The following PKNOX2 variants were observed in gnomAD, a reference collection of about 807,000 sequenced individuals.
PKNOX2 encodes the protein homeobox protein PKNOX2.
A neutral mutation model predicts 53.1 loss-of-function variants in PKNOX2; 14 were observed. The observed-to-expected ratio is 0.26, with a 90% CI of 0.17 to 0.41. The LOEUF (loss-of-function observed/expected upper bound fraction) is 0.41. Ranked by LOEUF, PKNOX2 falls within the 10% of genes least tolerant of loss-of-function variation. The pLI is 1.00. For missense variants in PKNOX2, 496 were observed against 602.8 expected (o/e 0.82, Z 1.85); for synonymous variants, 257 against 242.8 (o/e 1.06, Z -0.54).
intron 5 of PKNOX2, among the ~76,000 whole-genome samples, chr11:125,379,097 G>C (rs1953055617): frequency 7.4e-6 from 1 of 135,170 alleles, no homozygotes; most frequent in Non-Finnish European, 1.5e-5. Context: ...GTCTCAATCT[G>C]TCGCCCAGGC....
chr11:125,393,038 G>A (rs893626843), intron 6 of PKNOX2, among the ~76,000 whole-genome samples: 14 of 151,800 alleles, frequency 9.2e-5, no homozygotes, highest in East Asian at 1.9e-4. Context: ...GGTGGCGGGC[G>A]TGGTCCCAGC....
chr11:125,356,125 C>T (rs1293938792), intron 4 of PKNOX2, among the ~76,000 whole-genome samples: 1 of 151,100 alleles, frequency 6.6e-6, no homozygotes, highest in African/African-American at 2.4e-5. Flanking sequence ...AATATTGTAT[C>T]TGGTCTATTT....
At chr11:125,226,495 G>C (rs1941706895) in intron 1 of PKNOX2, among the ~76,000 whole-genome samples, 1 of 152,086 alleles carries the variant, frequency 6.6e-6, no homozygotes, top group Admixed American at 6.6e-5. Flanking sequence ...GAGAGTTAGG[G>C]CAATGTGCAC....
intron 1 of PKNOX2, among the ~76,000 whole-genome samples, chr11:125,201,133 C>T (rs1938384555): frequency 6.6e-6 from 1 of 152,172 alleles, no homozygotes; most frequent in South Asian, 2.1e-4. Flanking sequence ...TCCATGAACC[C>T]TTTCTGACCT....
At chr11:125,378,328 A>G (rs2135317761) in intron 5 of PKNOX2, among the ~76,000 whole-genome samples, 1 of 152,338 alleles carries the variant, frequency 6.6e-6, no homozygotes, top group Non-Finnish European at 1.5e-5. Flanking sequence ...TCCTCTGAGC[A>G]GTGGGACCCT....
intron 4 of PKNOX2, among the ~76,000 whole-genome samples, chr11:125,359,888 C>G (rs1467851302): frequency 3.9e-5 from 6 of 152,172 alleles, no homozygotes; most frequent in Non-Finnish European, 7.3e-5. Context: ...AGTGTCTGTG[C>G]TTTTTTTATA....
chr11:125,290,081 A>G (rs1327068615), intron 2 of PKNOX2, among the ~76,000 whole-genome samples: 1 of 152,212 alleles, frequency 6.6e-6, no homozygotes, highest in Non-Finnish European at 1.5e-5. Context: ...CCTGATGAAA[A>G]ATTAACTAGC....
rs140648276 is a variant in PKNOX2 at position 125,234,581 on chromosome 11, G to T, written c.-200-464G>T. 1.3e-4 allele frequency among the ~76,000 whole-genome samples: 20 copies of T among 152,278 alleles called. No individual in the cohort carries two copies. The South Asian group carries it at 3.5e-3, about 27-fold the overall frequency. ...TCCTGAGGTAGACAACAGGGTCAGC[G>T]TTGTCGTTTGCTTGCCTTTTGCAGC... is the stretch of plus-strand genomic sequence containing the variant. On this transcript the variant is annotated intron_variant, in intron 1 of 12. Transcript: ENST00000298282.
intron 2 of PKNOX2, among the ~76,000 whole-genome samples, chr11:125,293,059 T>G (rs1947408677): frequency 6.6e-6 from 1 of 152,104 alleles, no homozygotes; most frequent in African/African-American, 2.4e-5. Flanking sequence ...GCCATTTATG[T>G]CAAAACCACA....
intron 2 of PKNOX2, among the ~76,000 whole-genome samples, chr11:125,277,971 C>T (rs1185585466): frequency 6.6e-6 from 1 of 152,102 alleles, no homozygotes. Flanking sequence ...AATCACAACA[C>T]TTTGGGAGGC....
intron 7 of PKNOX2, among the ~76,000 whole-genome samples, chr11:125,408,810 T>G (rs1955285582): frequency 6.6e-6 from 1 of 152,126 alleles, no homozygotes. Flanking sequence ...GGCTCGAGGT[T>G]TCCTCCAAAC....
At chr11:125,190,389 A>T (rs910758814) in intron 1 of PKNOX2, among the ~76,000 whole-genome samples, 4 of 152,178 alleles carry the variant, frequency 2.6e-5, no homozygotes, top group Non-Finnish European at 2.9e-5. Context: ...TTGCTGGCTC[A>T]CTGAAAGTGC....
intron 1 of PKNOX2, among the ~76,000 whole-genome samples, chr11:125,205,450 T>G (rs1017288142): frequency 3.9e-5 from 6 of 152,216 alleles, no homozygotes; most frequent in African/African-American, 1.4e-4. Context: ...GCAAAGATAC[T>G]TTTGGCATTT....
chr11:125,241,753 G>A (rs1204484434), intron 2 of PKNOX2, among the ~76,000 whole-genome samples: 3 of 152,218 alleles, frequency 2.0e-5, no homozygotes, highest in African/African-American at 7.2e-5. Context: ...TACTCAGGAG[G>A]CTGAGGCAGG....
rs577623323 is a variant in PKNOX2, at chr11:125,413,078, T to C, written c.936+1213T>C. On this transcript the variant is annotated intron_variant, in intron 10 of 12. Transcript: ENST00000298282. ...CCGGAGCTCGGCATCTCCCCAAAAG[T>C]GTTCCCTCGCCTCTGGGGGCGTGGG... 5.3e-5 allele frequency among the ~76,000 whole-genome samples: 8 copies of C among 152,298 alleles called. No homozygotes were observed. In the South Asian group the frequency reaches 1.7e-3, roughly 32 times the overall value.
intron 2 of PKNOX2, among the ~76,000 whole-genome samples, chr11:125,260,256 T>C (rs1434529949): frequency 6.6e-6 from 1 of 152,142 alleles, no homozygotes; most frequent in African/African-American, 2.4e-5. Flanking sequence ...TGGAGTGTAG[T>C]GGCATAATCT....
rs549963752 is a variant in PKNOX2 at position 125,166,766 on chromosome 11, C to A, written c.-201+1990C>A. Among the ~76,000 whole-genome samples, 5 of 152,336 alleles carry A rather than the reference C, an allele frequency of 3.3e-5. No homozygotes were observed. The East Asian group carries it at 9.7e-4, about 29-fold the overall frequency. ...GGACTGAGAAGCCCACAAACCCGGC[C>A]TTTGGTGCGCCCGGGGGAGGAGGAA... On this transcript the variant is annotated intron_variant, in intron 1 of 12. Coordinates refer to ENST00000298282, the MANE Select transcript of PKNOX2 (RefSeq NM_001382323.2). This position sits in a 1 kb window ranked among gnomAD's most constrained non-coding sequence, Gnocchi z 4.0.
intron 1 of PKNOX2, among the ~76,000 whole-genome samples, chr11:125,174,670 T>C (rs2135219060): frequency 6.6e-6 from 1 of 152,144 alleles, no homozygotes; most frequent in East Asian, 1.9e-4. Context: ...GCTGGCCTCA[T>C]TTATTTGTCT....
intron 2 of PKNOX2, among the ~76,000 whole-genome samples, chr11:125,308,752 C>T (rs376628100): frequency 7.9e-5 from 12 of 152,168 alleles, no homozygotes; most frequent in South Asian, 2.1e-4. Flanking sequence ...CTCCTGGTGA[C>T]GGCAGCTCTC....
Sources: gnomAD v4.1 joint callset for allele counts (sites outside exome capture counted in the v4.1 genomes callset) on GRCh38, gnomAD v4.1.1 for gene constraint, Gnocchi (gnomAD v3.1) non-coding constraint, MANE v1.5 for transcripts, NCBI Gene and HGNC (gene_info 2026-07-23, HGNC 2026-07-21) for gene names.